CYP19A1: variants seen among roughly 807,000 people sequenced by gnomAD.
CYP19A1 encodes aromatase.
In CYP19A1, 32 loss-of-function variants were observed where a neutral mutation model predicts 44.4. The observed-to-expected ratio is 0.72, with a 90% CI of 0.54 to 0.97. The LOEUF (loss-of-function observed/expected upper bound fraction) is 0.97, where lower values mean the gene tolerates loss of function less well. CYP19A1 is among the 50% of genes least tolerant of loss of function. The probability of loss-of-function intolerance (pLI) is 0.00; values close to 1 mark genes in which losing one functional copy is unlikely to be tolerated. For synonymous variants in CYP19A1, 212 were observed against 215.6 expected (o/e 0.98, Z 0.14); for missense variants, 598 against 637.8 (o/e 0.94, Z 0.67).
intron 1 of CYP19A1, among the ~76,000 whole-genome samples, chr15:51,260,493 C>A (rs546809665): frequency 6.6e-6 from 1 of 152,150 alleles, no homozygotes. Flanking sequence ...GAGATTACCA[C>A]GGGTTTTCGG....
intron 1 of CYP19A1, among the ~76,000 whole-genome samples, chr15:51,252,227 T>C (rs1416357199): frequency 2.0e-5 from 3 of 152,170 alleles, no homozygotes; most frequent in African/African-American, 4.8e-5. Context: ...CCAGTGAACG[T>C]GGTGGAATCT....
At chr15:51,308,179 C>A (rs1189079349) in intron 1 of CYP19A1, among the ~76,000 whole-genome samples, 1 of 152,172 alleles carries the variant, frequency 6.6e-6, no homozygotes, top group Non-Finnish European at 1.5e-5. Context: ...CCCTCACTGA[C>A]CACTCAGGAA....
intron 1 of CYP19A1, among the ~76,000 whole-genome samples, chr15:51,301,762 G>A (rs1302525547): frequency 6.6e-6 from 1 of 152,162 alleles, no homozygotes; most frequent in Non-Finnish European, 1.5e-5. Flanking sequence ...AGCCCACTGG[G>A]AATGATTAGA....
intron 1 of CYP19A1, among the ~76,000 whole-genome samples, chr15:51,327,327 G>A (rs2036623052): frequency 1.3e-5 from 2 of 152,072 alleles, no homozygotes; most frequent in Non-Finnish European, 2.9e-5. Context: ...ACCATTAGGG[G>A]CTCAGTTGGT....
At chr15:51,212,185 G>A (rs1457914485) in intron 9 of CYP19A1, 135 bp downstream of exon 9, 2 of 771,290 alleles carry the variant, frequency 2.6e-6, no homozygotes, top group Non-Finnish European at 4.7e-6. Context: ...GGGGACGTGT[G>A]TGCTCCTGGT....
At chr15:51,215,869 C>T (rs757638175) in intron 6 of CYP19A1, 52 bp from the exon 7 acceptor site, 194 of 1,608,310 alleles carry the variant, frequency 1.2e-4, no homozygotes, top group Admixed American at 5.0e-4. Context: ...AGACATCTAG[C>T]GAAACAGATT....
intron 1 of CYP19A1, among the ~76,000 whole-genome samples, chr15:51,297,948 G>T (rs2036034674): frequency 6.6e-6 from 1 of 151,722 alleles, no homozygotes; most frequent in Non-Finnish European, 1.5e-5. Context: ...ATTAGGAGAG[G>T]ATTTAGGCTA....
chr15:51,258,651 C>T (rs141509929), intron 1 of CYP19A1, among the ~76,000 whole-genome samples: 83 of 152,302 alleles, frequency 5.4e-4, no homozygotes, highest in Admixed American at 1.3e-3. Flanking sequence ...CTCCACATTC[C>T]TTCCCCCATC....
intron 1 of CYP19A1, among the ~76,000 whole-genome samples, chr15:51,260,260 T>C (rs1486426647): frequency 1.3e-5 from 2 of 152,200 alleles, no homozygotes; most frequent in Admixed American, 1.3e-4. Context: ...TGCTGAAGCC[T>C]TAGTGATGTT....
At chr15:51,263,152 A>G (rs923138291) in intron 1 of CYP19A1, among the ~76,000 whole-genome samples, 3 of 152,222 alleles carry the variant, frequency 2.0e-5, no homozygotes, top group African/African-American at 7.2e-5. Flanking sequence ...CAAAAAAAAA[A>G]TCCTCAGAAA....
intron 1 of CYP19A1, among the ~76,000 whole-genome samples, chr15:51,286,323 A>G (rs1430824133): frequency 1.3e-5 from 2 of 152,178 alleles, no homozygotes; most frequent in Non-Finnish European, 2.9e-5. Context: ...TCCACACATC[A>G]TAGCTCAAAT....
chr15:51,277,005 T>A (rs550078151), intron 1 of CYP19A1: 1 of 147,368 alleles, frequency 6.8e-6, no homozygotes, highest in Non-Finnish European at 1.5e-5. Flanking sequence ...TTTGCACCTC[T>A]GAAAGGGCAC....
chr15:51,335,526 T>G (rs1485499860), intron 1 of CYP19A1, among the ~76,000 whole-genome samples: 1 of 152,130 alleles, frequency 6.6e-6, no homozygotes, highest in Non-Finnish European at 1.5e-5. Flanking sequence ...TGATCTAAAT[T>G]TAGTCACGGT....
intron 1 of CYP19A1, among the ~76,000 whole-genome samples, chr15:51,330,994 G>A (rs2036692173): frequency 1.3e-5 from 2 of 152,148 alleles, no homozygotes; most frequent in South Asian, 4.2e-4. Context: ...GCGCAGATGA[G>A]GAGTATAGCC....
intron 1 of CYP19A1, among the ~76,000 whole-genome samples, chr15:51,330,819 G>C (rs144768993): frequency 9.2e-5 from 14 of 152,186 alleles, no homozygotes; most frequent in Non-Finnish European, 1.8e-4. Context: ...GTGATGAAGA[G>C]CTTTGAAAGT....
chr15:51,227,777 A>T lies in CYP19A1; in HGVS notation c.451+2T>A. On this transcript the variant is annotated splice_donor_variant, in intron 4 of 9. Coordinates refer to ENST00000396402, the MANE Select transcript of CYP19A1 (RefSeq NM_000103.4). LOFTEE classifies it high-confidence loss of function. Reference sequence around the variant, plus strand: ...ATTGTAGCTAACTAAGTACCTGCTTACCTTTCATAAAGAAGGGTCGAGTTG... The same window carrying T: ...ATTGTAGCTAACTAAGTACCTGCTTTCCTTTCATAAAGAAGGGTCGAGTTG... The T allele has an allele frequency of 2.1e-6, 3 of 1,432,382 alleles. No homozygotes were observed. Among genetic ancestry groups the T allele is most frequent in the Non-Finnish European group, 3.0e-6 (3 of 1,014,526 alleles). 88.7% of individuals were successfully genotyped at this position (1,432,382 alleles called of 1,614,324 possible).
chr15:51,238,080 T>C (rs1173890898), intron 2 of CYP19A1, among the ~76,000 whole-genome samples: 1 of 152,186 alleles, frequency 6.6e-6, no homozygotes, highest in Non-Finnish European at 1.5e-5. Context: ...CAGCAAACAG[T>C]GTTTAGTCTT....
intron 4 of CYP19A1, among the ~76,000 whole-genome samples, chr15:51,226,324 C>G (rs572272873): frequency 2.0e-5 from 3 of 152,200 alleles, no homozygotes; most frequent in South Asian, 2.1e-4. Context: ...CAGAAAGGCA[C>G]ATAGCCTTGC....
chr15:51,300,801 C>G (rs1444624452), intron 1 of CYP19A1, among the ~76,000 whole-genome samples: 1 of 152,168 alleles, frequency 6.6e-6, no homozygotes, highest in South Asian at 2.1e-4. Flanking sequence ...TTCATGCAAA[C>G]TATTTAGTTT....
Sources: allele counts gnomAD v4.1 joint callset (sites outside exome capture counted in the v4.1 genomes callset), GRCh38; gene constraint gnomAD v4.1.1; transcripts MANE v1.5; gene names NCBI Gene and HGNC (gene_info 2026-07-23, HGNC 2026-07-21).